The following RABGAP1L variants were observed in gnomAD, a reference collection of about 807,000 sequenced individuals.
The protein encoded by RABGAP1L is RAB GTPase activating protein 1 like.
RABGAP1L carries 63 observed loss-of-function variants against 137.7 expected under a neutral mutation model. The observed-to-expected ratio is 0.46, with a 90% CI of 0.37 to 0.56. RABGAP1L has a LOEUF of 0.56. RABGAP1L is among the 20% of genes least tolerant of loss of function. The probability of loss-of-function intolerance (pLI) is 0.00; values close to 1 mark genes in which losing one functional copy is unlikely to be tolerated. For missense variants in RABGAP1L, 1,095 were observed against 1,244.0 expected (o/e 0.88, Z 1.80); for synonymous variants, 431 against 433.7 (o/e 0.99, Z 0.08).
At chr1:174,288,047 C>T (rs190973830) in intron 10 of RABGAP1L, among the ~76,000 whole-genome samples, 12 of 152,128 alleles carry the variant, frequency 7.9e-5, no homozygotes, top group African/African-American at 2.6e-4. Context: ...ATAATTATTA[C>T]ATGTTATTTT....
chr1:174,492,604 C>G (rs1393843353), intron 13 of RABGAP1L, among the ~76,000 whole-genome samples: 1 of 152,110 alleles, frequency 6.6e-6, no homozygotes, highest in Non-Finnish European at 1.5e-5. Flanking sequence ...CCTGCCTCAG[C>G]CTCCCAAAGT....
Position 174,548,315 on chromosome 1 carries a change from T to C in RABGAP1L, c.1711-89060T>C, listed in dbSNP as rs1666183982. The C allele has an allele frequency of 5.7e-6, 7 of 1,219,990 alleles. No homozygotes were observed. The South Asian group carries it at 1.7e-4, about 29-fold the overall frequency. 75.6% of individuals were successfully genotyped at this position (1,219,990 alleles called of 1,614,324 possible). ...TTGTTTACCCTCTTAATTTATCCAT[T>C]TGTAAAATGATAGTTTTTGTTTTTA... On this transcript the variant is annotated intron_variant, in intron 13 of 25. Transcript: ENST00000681986.
chr1:174,385,633 T>C (rs1558189843), intron 12 of RABGAP1L, among the ~76,000 whole-genome samples: 1 of 152,078 alleles, frequency 6.6e-6, no homozygotes, highest in East Asian at 1.9e-4. Flanking sequence ...GTTGGACGTA[T>C]GAGGAGGATC....
At chr1:174,192,811 C>T (rs546374602) in intron 1 of RABGAP1L, among the ~76,000 whole-genome samples, 1 of 152,260 alleles carries the variant, frequency 6.6e-6, no homozygotes, top group East Asian at 1.9e-4. Context: ...AGAGTCCCTT[C>T]ACATAAACAC....
chr1:174,935,811 G>A (rs551273390), intron 19 of RABGAP1L, among the ~76,000 whole-genome samples: 32 of 151,882 alleles, frequency 2.1e-4, no homozygotes, highest in Non-Finnish European at 3.7e-4. Context: ...GTGAAACCCC[G>A]TCTCTACTAA....
intron 13 of RABGAP1L, 134 bp from the exon 14 acceptor site, chr1:174,637,241 G>T (rs1674130156): frequency 1.6e-6 from 1 of 623,604 alleles, no homozygotes. Flanking sequence ...CTATGGGTCT[G>T]GGATAGAAGG....
At chr1:174,726,628 T>G (rs1343268772) in intron 17 of RABGAP1L, among the ~76,000 whole-genome samples, 1 of 152,166 alleles carries the variant, frequency 6.6e-6, no homozygotes, top group Non-Finnish European at 1.5e-5. Context: ...TTAGAAAATT[T>G]AAGTCATTTT....
chr1:174,745,441 A>G (rs1683795712), intron 17 of RABGAP1L, among the ~76,000 whole-genome samples: 1 of 152,206 alleles, frequency 6.6e-6, no homozygotes, highest in Non-Finnish European at 1.5e-5. Context: ...GAGAAGCATC[A>G]AATAATTGTG....
chr1:174,289,310 A>G (rs1212674338), intron 10 of RABGAP1L, among the ~76,000 whole-genome samples: 2 of 152,200 alleles, frequency 1.3e-5, no homozygotes, highest in African/African-American at 4.8e-5. Context: ...CCAAAGTGGT[A>G]GGATTATAGG....
At chr1:174,411,911 CT>C in intron 13 of RABGAP1L, among the ~76,000 whole-genome samples, 1 of 152,124 alleles carries the variant, frequency 6.6e-6, no homozygotes, top group East Asian at 1.9e-4. Flanking sequence ...TGTGATTGAT[CT>C]TGGAGTATGT....
At chr1:174,611,847 G>C (rs1309129535) in intron 13 of RABGAP1L, among the ~76,000 whole-genome samples, 1 of 152,006 alleles carries the variant, frequency 6.6e-6, no homozygotes, top group African/African-American at 2.4e-5. Flanking sequence ...TCATGATTTG[G>C]CTCTCTGTTT....
In RABGAP1L at chr1:174,585,879, A is replaced by ATG. The variant is rs540152607; in HGVS notation, c.1711-51488_1711-51487dup. On this transcript the variant is annotated intron_variant, in intron 13 of 25. Coordinates refer to ENST00000681986, the MANE Select transcript of RABGAP1L (RefSeq NM_001366446.1). ...AGTAGTGTATCATGTGTGCATGTCT[A>ATG]TGTGTGTGTATTTATTAAAGAAGAT... 2.2e-4 allele frequency among the ~76,000 whole-genome samples: 34 copies of ATG among 152,276 alleles called. No individual in the cohort carries two copies. The South Asian group carries it at 6.8e-3, about 31-fold the overall frequency.
In RABGAP1L at chr1:174,887,230, A is replaced by G. The variant is rs75139356; in HGVS notation, c.2341-70227A>G. Among the ~76,000 whole-genome samples, 54 of 152,330 alleles carry G rather than the reference A, an allele frequency of 3.5e-4. No homozygotes were observed. In the East Asian group the frequency reaches 9.3e-3, roughly 26 times the overall value. ...GGAGGGGAAAGTGAGTATTTGCTGA[A>G]CAATAGTCTACCACATATATAATTG... is the stretch of plus-strand genomic sequence containing the variant. On this transcript the variant is annotated intron_variant, in intron 19 of 25. Coordinates refer to ENST00000681986, the MANE Select transcript of RABGAP1L (RefSeq NM_001366446.1).
At chr1:174,346,237 A>G (rs1682415825) in intron 11 of RABGAP1L, among the ~76,000 whole-genome samples, 1 of 152,178 alleles carries the variant, frequency 6.6e-6, no homozygotes, top group Admixed American at 6.5e-5. Flanking sequence ...TTTTGGCATC[A>G]GGACAATACT....
chr1:174,240,718 G>A (rs1671736235), intron 4 of RABGAP1L, among the ~76,000 whole-genome samples: 1 of 152,196 alleles, frequency 6.6e-6, no homozygotes, highest in Non-Finnish European at 1.5e-5. Context: ...AAACTAATAG[G>A]TGCTGCTCTG....
At chr1:174,882,912 G>A (rs143929900) in intron 19 of RABGAP1L, among the ~76,000 whole-genome samples, 3,132 of 151,730 alleles carry the variant, frequency 0.021, 51 homozygotes, top group Middle Eastern at 0.082. Flanking sequence ...TGCAACCTCC[G>A]CCTCCCAGGT....
intron 24 of RABGAP1L, among the ~76,000 whole-genome samples, chr1:174,983,669 C>G (rs1309186947): frequency 6.6e-6 from 1 of 152,024 alleles, no homozygotes; most frequent in Non-Finnish European, 1.5e-5. Flanking sequence ...ATTTTGTGTT[C>G]TATAAAATGG....
intron 13 of RABGAP1L, among the ~76,000 whole-genome samples, chr1:174,417,573 G>A (rs1032452031): frequency 6.6e-6 from 1 of 152,152 alleles, no homozygotes; most frequent in Non-Finnish European, 1.5e-5. Flanking sequence ...AAAGCCTAGA[G>A]CCATGGGTTT....
Position 174,774,395 on chromosome 1 carries a change from A to G in RABGAP1L, c.2211+22041A>G, listed in dbSNP as rs537714753. On this transcript the variant is annotated intron_variant, in intron 18 of 25. Transcript: ENST00000681986. ...CACATGAGTCTTGGAGTTCAAAACC[A>G]GCCTGGGCAACATAGTGAGATCTTG... Among the ~76,000 whole-genome samples, 3 of 152,298 alleles carry G rather than the reference A, an allele frequency of 2.0e-5. No individual in the cohort carries two copies. In the East Asian group the frequency reaches 5.8e-4, roughly 29 times the overall value.
Sources: gnomAD v4.1 joint callset for allele counts (sites outside exome capture counted in the v4.1 genomes callset) on GRCh38, gnomAD v4.1.1 for gene constraint, MANE v1.5 for transcripts, NCBI Gene and HGNC (gene_info 2026-07-23, HGNC 2026-07-21) for gene names.